Variants in KIRREL3 observed in about 807,000 individuals in gnomAD.
KIRREL3 encodes the protein kirre like nephrin family adhesion molecule 3.
KIRREL3 carries 36 observed loss-of-function variants against 89.7 expected under a neutral mutation model. That is an observed-to-expected ratio of 0.40 (90% CI 0.31 to 0.53). The LOEUF is 0.53. KIRREL3 is among the 20% of genes least tolerant of loss of function. The pLI is 0.49. For missense variants in KIRREL3, 864 were observed against 1,056.6 expected (o/e 0.82, Z 2.53); for synonymous variants, 445 against 441.4 (o/e 1.01, Z -0.10).
Position 126,490,569 on chromosome 11 carries a change from C to T in KIRREL3, c.434-17103G>A, listed in dbSNP as rs1286042134. On this transcript the variant is annotated intron_variant, in intron 4 of 16. Transcript: ENST00000525144. The surrounding 1 kb of genome is among the most constrained non-coding windows in gnomAD (Gnocchi z 4.2). ...GTGAGACCTGGGAGCGACTCCTGGA[C>T]TCCCGGTTCCAGGCTGCATGGCCTT... Among the ~76,000 whole-genome samples the T allele has an allele frequency of 6.6e-6, 1 of 152,202 alleles. No individual in the cohort carries two copies. Among genetic ancestry groups the T allele is most frequent in the Non-Finnish European group, 1.5e-5 (1 of 68,036 alleles).
At chr11:126,629,864 C>T (rs1037308852) in intron 1 of KIRREL3, among the ~76,000 whole-genome samples, 2 of 152,224 alleles carry the variant, frequency 1.3e-5, no homozygotes, top group Non-Finnish European at 2.9e-5. Flanking sequence ...ACTGCTGCCA[C>T]TCTTTCTAAC....
In KIRREL3 at chr11:126,989,749, TC is replaced by T. The variant is rs368185896; in HGVS notation, c.55+10705del. Among the ~76,000 whole-genome samples the T allele has an allele frequency of 2.6e-5, 4 of 152,258 alleles. 1 individual carries two copies. The highest frequency in any genetic ancestry group is 9.6e-5 in the African/African-American group (4 of 41,560). On this transcript the variant is annotated intron_variant, in intron 1 of 16. Coordinates refer to ENST00000525144, the MANE Select transcript of KIRREL3 (RefSeq NM_032531.4). The surrounding 1 kb of genome is among the most constrained non-coding windows in gnomAD (Gnocchi z 6.2). ...AACGAAGTCTTAGGGCCAACAGGGT[TC>T]CCCCGGTGTCTCTCCTGCAGCATGA...
chr11:126,751,223 A>T (rs571220846), intron 1 of KIRREL3, among the ~76,000 whole-genome samples: 1 of 152,344 alleles, frequency 6.6e-6, no homozygotes, highest in South Asian at 2.1e-4. Context: ...TCTAAAAGGA[A>T]GCAAGCTGTC....
rs1219199686 is a variant in KIRREL3 at position 126,795,382 on chromosome 11, T to G, written c.55+205073A>C. 6.6e-5 allele frequency among the ~76,000 whole-genome samples: 10 copies of G among 152,168 alleles called. No homozygotes were observed. Among genetic ancestry groups the G allele is most frequent in the Non-Finnish European group, 1.0e-4 (7 of 68,034 alleles). ...ATAAATTTTATTTTATTTTACTTTA[T>G]TTTTTGAGACAGAGTCTCAGTCTGT... On this transcript the variant is annotated intron_variant, in intron 1 of 16. Transcript: ENST00000525144. The surrounding 1 kb of genome is among the most constrained non-coding windows in gnomAD (Gnocchi z 4.1).
At chr11:126,435,112 C>A (rs1234773752) in intron 13 of KIRREL3, among the ~76,000 whole-genome samples, 156 bp downstream of exon 13, 1 of 152,028 alleles carries the variant, frequency 6.6e-6, no homozygotes, top group Admixed American at 6.5e-5. Flanking sequence ...CCTCCTCTCC[C>A]CACTGCTTTG....
At chr11:126,806,772 C>A (rs1221345399) in intron 1 of KIRREL3, among the ~76,000 whole-genome samples, 18 of 151,992 alleles carry the variant, frequency 1.2e-4, no homozygotes, top group Admixed American at 9.2e-4. Context: ...ACCCATCAAC[C>A]CATCATCTAG....
At position 126,778,946 on chromosome 11, in the gene KIRREL3, T is replaced by C. The variant is rs926986441; in HGVS notation, c.56-216034A>G. ...GTTTCTGAACACACACACAAGGTAA[T>C]ACATGTAAGAGCACCTAGCGCGGAA... is the stretch of plus-strand genomic sequence containing the variant. On this transcript the variant is annotated intron_variant, in intron 1 of 16. Coordinates refer to ENST00000525144, the MANE Select transcript of KIRREL3 (RefSeq NM_032531.4). This position sits in a 1 kb window ranked among gnomAD's most constrained non-coding sequence, Gnocchi z 4.5. 6.6e-6 allele frequency among the ~76,000 whole-genome samples: 1 copy of C among 152,176 alleles called. No homozygotes were observed. Among genetic ancestry groups the C allele is most frequent in the Non-Finnish European group, 1.5e-5 (1 of 68,032 alleles).
chr11:126,706,086 C>G (rs1341235142), intron 1 of KIRREL3, among the ~76,000 whole-genome samples: 1 of 152,172 alleles, frequency 6.6e-6, no homozygotes, highest in Admixed American at 6.5e-5. Context: ...CCCAGTCAAG[C>G]CTTCAGATGA....
In KIRREL3 at chr11:126,682,788, C is replaced by T. The variant is rs899469724; in HGVS notation, c.56-119876G>A. On this transcript the variant is annotated intron_variant, in intron 1 of 16. Transcript: ENST00000525144. The surrounding 1 kb of genome is among the most constrained non-coding windows in gnomAD (Gnocchi z 4.8). ...GATCTGACAGGAGGCAGAGTTCGGG[C>T]GGCAATGTTCACTCACCTGCCGCTC... 2.0e-5 allele frequency among the ~76,000 whole-genome samples: 3 copies of T among 152,138 alleles called. No individual in the cohort carries two copies. The highest frequency in any genetic ancestry group is 1.3e-4 in the Admixed American group (2 of 15,272).
chr11:126,602,821 G>A (rs1211404232), intron 1 of KIRREL3, among the ~76,000 whole-genome samples: 1 of 152,194 alleles, frequency 6.6e-6, no homozygotes, highest in Non-Finnish European at 1.5e-5. Flanking sequence ...GGGAGGACAG[G>A]TAAGAAGGGA....
Position 126,587,103 on chromosome 11 carries a change from C to A in KIRREL3, c.56-24191G>T, listed in dbSNP as rs940391863. ...CAACGACGATGCAGTGTGATGGATG[C>A]TCCAGTGGAAGAGTCCAGAGCACCG... On this transcript the variant is annotated intron_variant, in intron 1 of 16. Transcript: ENST00000525144. This position sits in a 1 kb window ranked among gnomAD's most constrained non-coding sequence, Gnocchi z 5.2. Among the ~76,000 whole-genome samples, 1 of 152,142 alleles carries A rather than the reference C, an allele frequency of 6.6e-6. No individual in the cohort carries two copies. Among genetic ancestry groups the A allele is most frequent in the Non-Finnish European group, 1.5e-5 (1 of 68,032 alleles).
chr11:126,564,689 G>T lies in KIRREL3; in HGVS notation c.56-1777C>A, dbSNP rs1007495631. On this transcript the variant is annotated intron_variant, in intron 1 of 16. Transcript: ENST00000525144. This position sits in a 1 kb window ranked among gnomAD's most constrained non-coding sequence, Gnocchi z 7.4. ...TTCAGGGGCTCCTGCTCTGTCGCAG[G>T]CCTCATGGATCAAAGCCCCTTTGAT... is the stretch of plus-strand genomic sequence containing the variant. 3.3e-5 allele frequency among the ~76,000 whole-genome samples: 5 copies of T among 152,172 alleles called. No individual in the cohort carries two copies. Among genetic ancestry groups the T allele is most frequent in the African/African-American group, 9.7e-5 (4 of 41,446 alleles).
rs942199163 is a variant in KIRREL3, at chr11:126,428,647, T to TTTG, written c.1806+529_1806+531dup. On this transcript the variant is annotated intron_variant, in intron 15 of 16. Coordinates refer to ENST00000525144, the MANE Select transcript of KIRREL3 (RefSeq NM_032531.4). The surrounding 1 kb of genome is among the most constrained non-coding windows in gnomAD (Gnocchi z 6.4). ...GGCTCTCTGAAGGGTAGACTGCATT[T>TTTG]TTGTTGTTGTTGTTGTTTTGAGATG... 1.3e-5 allele frequency among the ~76,000 whole-genome samples: 2 copies of TTTG among 152,008 alleles called. No homozygotes were observed. The highest frequency in any genetic ancestry group is 4.8e-5 in the African/African-American group (2 of 41,364).
intron 6 of KIRREL3, among the ~76,000 whole-genome samples, chr11:126,456,918 C>G (rs1591569924): frequency 6.6e-6 from 1 of 152,218 alleles, no homozygotes; most frequent in Non-Finnish European, 1.5e-5. Flanking sequence ...TACACCCTTT[C>G]ATCAGCCTAA....
chr11:126,615,313 G>A lies in KIRREL3; in HGVS notation c.56-52401C>T, dbSNP rs1386750016. Among the ~76,000 whole-genome samples the A allele has an allele frequency of 6.6e-6, 1 of 152,088 alleles. No individual in the cohort carries two copies. The highest frequency in any genetic ancestry group is 1.5e-5 in the Non-Finnish European group (1 of 68,026). ...AATAAATGTTTATTGTCATTCCTGT[G>A]ATTATTAATTACTGTCATGAATGCC... On this transcript the variant is annotated intron_variant, in intron 1 of 16. Transcript: ENST00000525144. This position sits in a 1 kb window ranked among gnomAD's most constrained non-coding sequence, Gnocchi z 5.4.
In KIRREL3 at chr11:126,755,974, A is replaced by C. The variant is rs1949487482; in HGVS notation, c.56-193062T>G. On this transcript the variant is annotated intron_variant, in intron 1 of 16. Coordinates refer to ENST00000525144, the MANE Select transcript of KIRREL3 (RefSeq NM_032531.4). The surrounding 1 kb of genome is among the most constrained non-coding windows in gnomAD (Gnocchi z 4.3). ...TCAATCACATCTAGGTGTTATCTTG[A>C]TATAAGAACAGGTATCATTAATTGA... Among the ~76,000 whole-genome samples the C allele has an allele frequency of 6.6e-6, 1 of 152,194 alleles. No individual in the cohort carries two copies. Among genetic ancestry groups the C allele is most frequent in the Admixed American group, 6.5e-5 (1 of 15,284 alleles).
At position 126,527,268 on chromosome 11, in the gene KIRREL3, G is replaced by A. The variant is rs1002138544; in HGVS notation, c.134-581C>T. Reference sequence around the variant, plus strand: ...GGCAGGAGGTGTGCTGAGGAGGCGTGCCATCCTACCGTGTCCTCCCTGTCC... The same window carrying A: ...GGCAGGAGGTGTGCTGAGGAGGCGTACCATCCTACCGTGTCCTCCCTGTCC... On this transcript the variant is annotated intron_variant, in intron 2 of 16. Transcript: ENST00000525144. The surrounding 1 kb of genome is among the most constrained non-coding windows in gnomAD (Gnocchi z 4.2). 3.3e-5 allele frequency among the ~76,000 whole-genome samples: 5 copies of A among 152,050 alleles called. No individual in the cohort carries two copies. Among genetic ancestry groups the A allele is most frequent in the Admixed American group, 6.6e-5 (1 of 15,266 alleles).
Position 126,773,708 on chromosome 11 carries a change from C to T in KIRREL3, c.56-210796G>A, listed in dbSNP as rs970889301. On this transcript the variant is annotated intron_variant, in intron 1 of 16. Coordinates refer to ENST00000525144, the MANE Select transcript of KIRREL3 (RefSeq NM_032531.4). The surrounding 1 kb of genome is among the most constrained non-coding windows in gnomAD (Gnocchi z 4.2). ...GTGTGTGTGTTTGTGTGTGTGTTTT[C>T]CTGTGAGCTCCTTGGAGGCTGGGGC... is the stretch of plus-strand genomic sequence containing the variant. 3.9e-5 allele frequency among the ~76,000 whole-genome samples: 6 copies of T among 152,066 alleles called. No homozygotes were observed. The highest frequency in any genetic ancestry group is 7.4e-5 in the Non-Finnish European group (5 of 68,014).
At chr11:126,973,964 A>G (rs1368867976) in intron 1 of KIRREL3, among the ~76,000 whole-genome samples, 1 of 152,084 alleles carries the variant, frequency 6.6e-6, no homozygotes, top group Non-Finnish European at 1.5e-5. Context: ...AGTGAGATTC[A>G]TGTTCCAAGG....
Sources: allele counts gnomAD v4.1 joint callset (sites outside exome capture counted in the v4.1 genomes callset), GRCh38; gene constraint gnomAD v4.1.1; non-coding constraint Gnocchi (gnomAD v3.1); transcripts MANE v1.5; gene names NCBI Gene and HGNC (gene_info 2026-07-23, HGNC 2026-07-21).